Variants in FNDC5 observed in about 807,000 individuals in gnomAD.
The protein encoded by FNDC5 is fibronectin type III domain containing 5.
Under a neutral mutation model 24.6 loss-of-function variants are expected in FNDC5, and 10 were observed. The observed-to-expected ratio is 0.41, with a 90% CI of 0.25 to 0.69. The LOEUF (loss-of-function observed/expected upper bound fraction) is 0.69, where lower values mean the gene tolerates loss of function less well. Among genes scored for constraint, FNDC5 ranks in the 30% least tolerant of loss-of-function variants. FNDC5 has a pLI of 0.34. For missense variants in FNDC5, 226 were observed against 282.9 expected, an observed-to-expected ratio of 0.80 and a Z score of 1.44; for synonymous variants, 90 against 110.7, an observed-to-expected ratio of 0.81 and a Z score of 1.18.
At position 32,870,683 on chromosome 1, in the gene FNDC5, C is replaced by G; in HGVS notation, c.64G>C (p.Gly22Arg). Residue 22 changes from glycine to arginine, a missense_variant, in exon 1 of 6, where the codon GGC (glycine) becomes CGC (arginine). Transcript: ENST00000373471. ...TGCACCAGCGCGAAGCAGACGCAGC[C>G]CAGCCACAGGCGGAGCGCGGCGCGG... 8.3e-7 allele frequency: 1 copy of G among 1,206,366 alleles called. No individual in the cohort carries two copies. Among genetic ancestry groups the G allele is most frequent in the African/African-American group, 1.6e-5 (1 of 63,282 alleles). The allele number at this position is 1,206,366 out of a possible 1,614,324, so 74.7% of individuals were successfully genotyped here. A position where few individuals can be genotyped will look rare whatever the true frequency, so the allele number is the denominator to read the frequency against.
Position 32,870,713 on chromosome 1 carries a change from G to T in FNDC5, c.34C>A (p.Arg12Ser), listed in dbSNP as rs1228040842. 1 of 1,186,590 alleles carries T rather than the reference G, an allele frequency of 8.4e-7. No homozygotes were observed. Among genetic ancestry groups the T allele is most frequent in the Non-Finnish European group, 1.0e-6 (1 of 959,286 alleles). The allele number at this position is 1,186,590 out of a possible 1,614,324, so 73.5% of individuals were successfully genotyped here. Residue 12 changes from arginine to serine, a missense_variant, in exon 1 of 6, where the codon CGC becomes AGC. Physicochemically the swap from Arg to Ser is moderately radical, Grantham distance 110. Transcript: ENST00000373471. Reference sequence around the variant, plus strand: ...CACAGGCGGAGCGCGGCGCGGGCGCGGGGCGGCCAGGCGCTCGGCGACCCG... The same window carrying T: ...CACAGGCGGAGCGCGGCGCGGGCGCTGGGCGGCCAGGCGCTCGGCGACCCG...
upstream of FNDC5, among the ~76,000 whole-genome samples, chr1:32,871,981 G>C (rs74843829): frequency 4.0e-3 from 611 of 152,294 alleles, 27 homozygotes; most frequent in East Asian, 0.092. Context: ...TCCACTACTA[G>C]CGGGGCATTC....
chr1:32,870,640 C>T lies in FNDC5; in HGVS notation c.94+13G>A. On this transcript the variant is annotated intron_variant, in intron 1 of 5. Coordinates refer to ENST00000373471, the MANE Select transcript of FNDC5 (RefSeq NM_153756.3). The stretch of plus-strand genomic sequence containing the variant: ...CTGCCCCGGCGCCGGCCCCCCGCCC[C>T]GGGCCCCCTTACCCGCCTGCACCAG... The T allele has an allele frequency of 8.3e-7, 1 of 1,204,658 alleles. No individual in the cohort carries two copies. 74.6% of individuals were successfully genotyped at this position (1,204,658 alleles called of 1,614,324 possible).
Position 32,870,712 on chromosome 1 carries a change from C to T in FNDC5, c.35G>A (p.Arg12His). 3.4e-6 allele frequency: 4 copies of T among 1,189,120 alleles called. No individual in the cohort carries two copies. The highest frequency in any genetic ancestry group is 4.2e-6 in the Non-Finnish European group (4 of 960,834). The allele number at this position is 1,189,120 out of a possible 1,614,324, so 73.7% of individuals were successfully genotyped here. The change falls in exon 1 of 6, where the codon CGC becomes CAC. Residue 12 changes from arginine (R) to histidine (H), a missense_variant. Coordinates refer to ENST00000373471, the MANE Select transcript of FNDC5 (RefSeq NM_153756.3). ...CCACAGGCGGAGCGCGGCGCGGGCG[C>T]GGGGCGGCCAGGCGCTCGGCGACCC...
rs372054809 is a variant in FNDC5 at position 32,862,562 on chromosome 1, T to C, written c.*1732A>G. 5.9e-5 allele frequency: 9 copies of C among 152,798 alleles called. No homozygotes were observed. Among genetic ancestry groups the C allele is most frequent in the African/African-American group, 2.2e-4 (9 of 41,560 alleles). 9.5% of individuals were successfully genotyped at this position (152,798 alleles called of 1,614,324 possible). ...GTAGACCGGAAGGAAGGGGCGGTCA[T>C]TGGGTGATGGCTTCTGGCTCTCTGG... On this transcript the variant is annotated 3_prime_UTR_variant, in exon 6 of 6. Transcript: ENST00000373471.
At chr1:32,864,886 T>G in intron 4 of FNDC5, 89 bp from the exon 5 acceptor site, 1 of 1,549,470 alleles carries the variant, frequency 6.5e-7, no homozygotes, top group South Asian at 1.2e-5. Context: ...CAATGGTCTC[T>G]CCAGATTGTA....
In FNDC5 at chr1:32,870,899, C is replaced by T. The variant is rs1326257291; in HGVS notation, c.-153G>A. On this transcript the variant is annotated 5_prime_UTR_variant, in exon 1 of 6. Coordinates refer to ENST00000373471, the MANE Select transcript of FNDC5 (RefSeq NM_153756.3). ...CCCCGAGCCGCCTGCATGTCGGCTC[C>T]GCGGACAGCGACTCCCGCGCGGCGG... The T allele has an allele frequency of 6.7e-6, 1 of 148,192 alleles. No individual in the cohort carries two copies. The highest frequency in any genetic ancestry group is 2.5e-5 in the African/African-American group (1 of 40,582). The allele number at this position is 148,192 out of a possible 1,614,324, so 9.2% of individuals were successfully genotyped here. A position where few individuals can be genotyped will look rare whatever the true frequency, so the allele number is the denominator to read the frequency against.
chr1:32,867,661 C>T (rs1260020249), intron 4 of FNDC5, 92 bp downstream of exon 4: 1 of 1,289,612 alleles, frequency 7.8e-7, no homozygotes, highest in East Asian at 2.4e-5. Context: ...GTCCAAACCC[C>T]TTACCCTTTT....
At chr1:32,866,870 A>C (rs1641080695) in intron 4 of FNDC5, among the ~76,000 whole-genome samples, 1 of 152,144 alleles carries the variant, frequency 6.6e-6, no homozygotes, top group East Asian at 1.9e-4. Context: ...TTGAGTACAA[A>C]GATGAATGAA....
chr1:32,865,341 C>T (rs145215307), intron 4 of FNDC5, among the ~76,000 whole-genome samples: 4,144 of 151,100 alleles, frequency 0.027, 119 homozygotes, highest in African/African-American at 0.073. Context: ...TCAGGTGATC[C>T]GCCCACATTG....
chr1:32,867,748 C>T lies in FNDC5; in HGVS notation c.499+5G>A. Reference sequence around the variant, plus strand: ...GAAGAAGAAGGTCTCGGAGGCCAGACTCACCTGCCCACATGAACAGGACCA... The same window carrying T: ...GAAGAAGAAGGTCTCGGAGGCCAGATTCACCTGCCCACATGAACAGGACCA... On this transcript the variant is annotated splice_donor_5th_base_variant and intron_variant, in intron 4 of 5. Transcript: ENST00000373471. The T allele has an allele frequency of 6.2e-7, 1 of 1,612,910 alleles. No individual in the cohort carries two copies. Among genetic ancestry groups the T allele is most frequent in the Non-Finnish European group, 8.5e-7 (1 of 1,179,112 alleles).
rs141144340 is a variant in FNDC5, at chr1:32,868,058, C to T, written c.409+132G>A. On this transcript the variant is annotated intron_variant, in intron 3 of 5. Transcript: ENST00000373471. This position sits in a 1 kb window ranked among gnomAD's most constrained non-coding sequence, Gnocchi z 4.8. Reference sequence around the variant, plus strand: ...CTTGTCAGGGACTAGCGTGAACCCTCTCTCAGGTACTGCTTTACTTGCCAG... The same window carrying T: ...CTTGTCAGGGACTAGCGTGAACCCTTTCTCAGGTACTGCTTTACTTGCCAG... 5.1e-6 allele frequency: 6 copies of T among 1,166,860 alleles called. No individual in the cohort carries two copies. The African/African-American group carries it at 7.6e-5, about 15-fold the overall frequency. The allele number at this position is 1,166,860 out of a possible 1,614,324, so 72.3% of individuals were successfully genotyped here. A position where few individuals can be genotyped will look rare whatever the true frequency, so the allele number is the denominator to read the frequency against.
At chr1:32,867,652 T>G (rs1213613468) in intron 4 of FNDC5, 101 bp downstream of exon 4, 3 of 1,171,390 alleles carry the variant, frequency 2.6e-6, no homozygotes, top group African/African-American at 1.5e-5. Context: ...CTTAGAGATG[T>G]CCAAACCCCT....
chr1:32,867,616 G>C, intron 4 of FNDC5, 137 bp downstream of exon 4: 1 of 735,518 alleles, frequency 1.4e-6, no homozygotes. Flanking sequence ...CAGAACTGTC[G>C]TTGGCAGGAC....
upstream of FNDC5, among the ~76,000 whole-genome samples, chr1:32,872,131 T>A (rs1015831210): frequency 3.3e-5 from 5 of 152,082 alleles, no homozygotes; most frequent in African/African-American, 9.7e-5. Flanking sequence ...GGAAGTGAGG[T>A]CTACCGATGG....
intron 4 of FNDC5, among the ~76,000 whole-genome samples, chr1:32,865,327 G>A (rs535723517): frequency 1.3e-5 from 2 of 150,022 alleles, no homozygotes; most frequent in South Asian, 4.4e-4. Context: ...TCGAACTCCC[G>A]ACCTCAGGTG....
chr1:32,864,534 A>G, intron 5 of FNDC5, 130 bp downstream of exon 5: 1 of 1,545,060 alleles, frequency 6.5e-7, no homozygotes, highest in Non-Finnish European at 8.7e-7. Flanking sequence ...TGTGTCACAC[A>G]GGCAGCAGCC....
At chr1:32,864,459 C>A (rs1296143352) in intron 5 of FNDC5, 160 bp from the exon 6 acceptor site, 11 of 1,459,734 alleles carry the variant, frequency 7.5e-6, no homozygotes, top group Non-Finnish European at 9.9e-6. Context: ...TTTTTTTCTT[C>A]AAATCACCAC....
Position 32,867,819 on chromosome 1 carries a change from C to T in FNDC5, c.433G>A (p.Gly145Arg). Reference sequence around the variant, plus strand: ...CCTGTCCGCAGCTGTTGGTTCCTCCCCATCTCTTTCATGGTTACCTCATCT... The same window carrying T: ...CCTGTCCGCAGCTGTTGGTTCCTCCTCATCTCTTTCATGGTTACCTCATCT... Residue 145 changes from glycine (G) to arginine (R), a missense_variant, in exon 4 of 6, where the codon GGG (glycine) becomes AGG (arginine). Gly to Arg is a moderately radical substitution (Grantham distance 125, BLOSUM62 -2). Coordinates refer to ENST00000373471, the MANE Select transcript of FNDC5 (RefSeq NM_153756.3). The T allele has an allele frequency of 6.2e-7, 1 of 1,614,002 alleles. No individual in the cohort carries two copies. The highest frequency in any genetic ancestry group is 8.5e-7 in the Non-Finnish European group (1 of 1,180,010).
Sources: gnomAD v4.1 joint callset for allele counts (sites outside exome capture counted in the v4.1 genomes callset) on GRCh38, gnomAD v4.1.1 for gene constraint, Gnocchi (gnomAD v3.1) non-coding constraint, MANE v1.5 for transcripts, NCBI Gene and HGNC (gene_info 2026-07-23, HGNC 2026-07-21) for gene names.